CNIH3: variants seen among roughly 807,000 people sequenced by gnomAD.
The protein encoded by CNIH3 is cornichon family AMPA receptor auxiliary protein 3, also known as protein cornichon homolog 3.
Under a neutral mutation model 24.1 loss-of-function variants are expected in CNIH3, and 14 were observed. The observed-to-expected ratio is 0.58, with a 90% CI of 0.38 to 0.91. The LOEUF is 0.91. Among genes scored for constraint, CNIH3 ranks in the 40% least tolerant of loss-of-function variants. The pLI is 0.00. For synonymous variants in CNIH3, 68 were observed against 73.8 expected, an observed-to-expected ratio of 0.92 and a Z score of 0.40; for missense variants, 178 against 196.8, an observed-to-expected ratio of 0.90 and a Z score of 0.57.
At chr1:224,677,096 G>T (rs1337983759) in intron 1 of CNIH3, among the ~76,000 whole-genome samples, 1 of 152,154 alleles carries the variant, frequency 6.6e-6, no homozygotes, top group Non-Finnish European at 1.5e-5. Context: ...TAACTACTTT[G>T]GGCCTCAGTT....
chr1:224,450,117 C>G (rs544140139), intron 1 of CNIH3, among the ~76,000 whole-genome samples: 1 of 152,230 alleles, frequency 6.6e-6, no homozygotes, highest in South Asian at 2.1e-4. Context: ...TGAGCACTTG[C>G]TATATGCAAG....
chr1:224,739,515 C>A lies in CNIH3; in HGVS notation c.*159C>A. 7.2e-7 allele frequency: 1 copy of A among 1,383,086 alleles called. No individual in the cohort carries two copies. The allele number at this position is 1,383,086 out of a possible 1,614,324, so 85.7% of individuals were successfully genotyped here. The stretch of plus-strand genomic sequence containing the variant: ...AATGGGAGCTGGAATCACGCAGCAG[C>A]TGGGAGCCGAGTTAACCCTGCGTGT... On this transcript the variant is annotated 3_prime_UTR_variant, in exon 6 of 6. Coordinates refer to ENST00000272133, the MANE Select transcript of CNIH3 (RefSeq NM_152495.2).
rs1042300425 is a variant in CNIH3 at position 224,434,831 on chromosome 1, A to C, written n.172A>C. On this transcript the variant is annotated non_coding_transcript_exon_variant, in exon 1 of 6. Coordinates refer to the CNIH3 transcript ENST00000471578. ...GGCGCTCGCGTCACAGGAAATGCCT[A>C]TACTGCCCTCCTCACTCACTTCCGG... 3 of 985,802 alleles carry C rather than the reference A, an allele frequency of 3.0e-6. No homozygotes were observed. In the East Asian group the frequency reaches 3.4e-4, roughly 112 times the overall value. 61.1% of individuals were successfully genotyped at this position (985,802 alleles called of 1,614,324 possible).
At chr1:224,711,877 T>C (rs377341178) in intron 3 of CNIH3, among the ~76,000 whole-genome samples, 1 of 151,776 alleles carries the variant, frequency 6.6e-6, no homozygotes, top group Non-Finnish European at 1.5e-5. Context: ...CCAATCCATT[T>C]ATCACAACTC....
Position 224,661,480 on chromosome 1 carries a change from A to T in CNIH3, c.82-19478A>T, listed in dbSNP as rs1685351132. On this transcript the variant is annotated intron_variant, in intron 1 of 5. Coordinates refer to ENST00000272133, the MANE Select transcript of CNIH3 (RefSeq NM_152495.2). ...TACTGAATGCTGAGAAAAACAACCCATCCCTCAGCTTCTGCTCCCTTGGGG... is the reference window on the plus strand; with the variant it reads ...TACTGAATGCTGAGAAAAACAACCCTTCCCTCAGCTTCTGCTCCCTTGGGG... 3.8e-5 allele frequency: 10 copies of T among 263,430 alleles called. No homozygotes were observed. The South Asian group carries it at 4.6e-4, about 12-fold the overall frequency. 16.3% of individuals were successfully genotyped at this position (263,430 alleles called of 1,614,324 possible). A position where few individuals can be genotyped will look rare whatever the true frequency, so the allele number is the denominator to read the frequency against.
At chr1:224,574,764 C>T (rs1306325405) in intron 4 of CNIH3, 21 of 1,115,442 alleles carry the variant, frequency 1.9e-5, no homozygotes, top group Admixed American at 1.0e-4. Context: ...CTACCTTATT[C>T]GCTGGCCAAC....
At chr1:224,447,334 CTGA>C (rs1675210463) in intron 1 of CNIH3, among the ~76,000 whole-genome samples, 1 of 152,184 alleles carries the variant, frequency 6.6e-6, no homozygotes, top group Non-Finnish European at 1.5e-5. Flanking sequence ...GCCGGGAGTT[CTGA>C]TGACTGAGGG....
intron 3 of CNIH3, among the ~76,000 whole-genome samples, chr1:224,716,997 C>A (rs551017589): frequency 1.7e-4 from 26 of 152,118 alleles, no homozygotes; most frequent in Non-Finnish European, 2.9e-4. Flanking sequence ...TACCTAGGGA[C>A]GGGTGACCTT....
intron 1 of CNIH3, among the ~76,000 whole-genome samples, chr1:224,657,710 A>C (rs1045752268): frequency 6.6e-6 from 1 of 152,182 alleles, no homozygotes; most frequent in African/African-American, 2.4e-5. Context: ...CCAGTGGCAC[A>C]ATCTCCAAAG....
intron 2 of CNIH3, among the ~76,000 whole-genome samples, chr1:224,536,519 G>A (rs984706704): frequency 9.9e-5 from 15 of 151,984 alleles, no homozygotes; most frequent in Non-Finnish European, 1.5e-4. Context: ...TCGAACTCCC[G>A]ACCTCAGGTG....
Position 224,739,902 on chromosome 1 carries a change from G to T in CNIH3, c.*546G>T, listed in dbSNP as rs1005810932. The T allele has an allele frequency of 1.3e-5, 2 of 152,874 alleles. No homozygotes were observed. Among genetic ancestry groups the T allele is most frequent in the African/African-American group, 4.8e-5 (2 of 41,464 alleles). The allele number at this position is 152,874 out of a possible 1,614,324, so 9.5% of individuals were successfully genotyped here. A position where few individuals can be genotyped will look rare whatever the true frequency, so the allele number is the denominator to read the frequency against. ...TCTCAAATGGGAGGGGCTGGAGGGT[G>T]TGTGGGATTTGTCTTCAGCTGCAAC... On this transcript the variant is annotated 3_prime_UTR_variant, in exon 6 of 6. Transcript: ENST00000272133.
rs558748008 is a variant in CNIH3 at position 224,720,543 on chromosome 1, C to T, written c.199-9919C>T. 1.2e-4 allele frequency among the ~76,000 whole-genome samples: 18 copies of T among 152,042 alleles called. 2 individuals carry two copies. The highest frequency in any genetic ancestry group is 8.3e-4 in the South Asian group (4 of 4,822). The stretch of plus-strand genomic sequence containing the variant: ...CCTTTGCTCTGGGCTGGGTGGGCAC[C>T]GTGGGTGGGACAGGTTGGAGAGGAG... On this transcript the variant is annotated intron_variant, in intron 3 of 5. Transcript: ENST00000272133.
intron 1 of CNIH3, among the ~76,000 whole-genome samples, chr1:224,633,841 A>T (rs1435797722): frequency 6.6e-6 from 1 of 152,252 alleles, no homozygotes; most frequent in Non-Finnish European, 1.5e-5. Context: ...CCAGATAATC[A>T]CTGCTTCGGC....
intron 1 of CNIH3, among the ~76,000 whole-genome samples, chr1:224,653,897 G>C (rs1266760666): frequency 6.6e-6 from 1 of 152,072 alleles, no homozygotes; most frequent in Non-Finnish European, 1.5e-5. Context: ...TGGGCAATAT[G>C]GTGAAACCCT....
In CNIH3 at chr1:224,450,625, C is replaced by T. The variant is rs1050714392; in HGVS notation, n.203+15763C>T. Among the ~76,000 whole-genome samples the T allele has an allele frequency of 3.9e-5, 6 of 152,068 alleles. No homozygotes were observed. In the East Asian group the frequency reaches 5.8e-4, roughly 15 times the overall value. On this transcript the variant is annotated intron_variant and non_coding_transcript_variant, in intron 1 of 5. Coordinates refer to the CNIH3 transcript ENST00000471578. Reference sequence around the variant, plus strand: ...AAAATGCCTCTAAGGGAGATAGAACCGAAGGGAGATCATAGCTGGTTGTGG... The same window carrying T: ...AAAATGCCTCTAAGGGAGATAGAACTGAAGGGAGATCATAGCTGGTTGTGG...
chr1:224,441,312 GT>G (rs1314608013), intron 1 of CNIH3, among the ~76,000 whole-genome samples: 1 of 152,136 alleles, frequency 6.6e-6, no homozygotes, highest in Non-Finnish European at 1.5e-5. Context: ...GTAAGTATTT[GT>G]TTTTCTAAAT....
intron 3 of CNIH3, among the ~76,000 whole-genome samples, chr1:224,557,045 C>G (rs1349720506): frequency 6.6e-6 from 1 of 152,040 alleles, no homozygotes; most frequent in South Asian, 2.1e-4. Context: ...GCAGCCTCCC[C>G]TCTTTTGTAT....
At chr1:224,731,933 TGA>T (rs1380713600) in intron 4 of CNIH3, among the ~76,000 whole-genome samples, 1 of 152,176 alleles carries the variant, frequency 6.6e-6, no homozygotes, top group African/African-American at 2.4e-5. Context: ...GGCAGGCAGC[TGA>T]GAGTATGGTA....
exon 1 of CNIH3, chr1:224,434,714 G>C: frequency 1.0e-6 from 1 of 970,922 alleles, no homozygotes; most frequent in Middle Eastern, 5.3e-4. Flanking sequence ...GCGGGCGGCA[G>C]CGGAGGCAGC....
Sources: gnomAD v4.1 joint callset for allele counts (sites outside exome capture counted in the v4.1 genomes callset) on GRCh38, gnomAD v4.1.1 for gene constraint, MANE v1.5 for transcripts, NCBI Gene and HGNC (gene_info 2026-07-23, HGNC 2026-07-21) for gene names.